Variants in FBXO33 observed in about 807,000 individuals in gnomAD.
FBXO33 encodes F-box protein 33.
In FBXO33, 22 loss-of-function variants were observed where a neutral mutation model predicts 46.3. The observed-to-expected ratio is 0.48, with a 90% CI of 0.34 to 0.68. The LOEUF is 0.68. Ranked by LOEUF, FBXO33 falls within the 30% of genes least tolerant of loss-of-function variation. The probability of loss-of-function intolerance (pLI) is 0.01; values close to 1 mark genes in which losing one functional copy is unlikely to be tolerated. For synonymous variants in FBXO33, 337 were observed against 291.3 expected (o/e 1.16, Z -1.60); for missense variants, 692 against 708.8 (o/e 0.98, Z 0.27).
rs373764664 is a variant in FBXO33, at chr14:39,406,912, T to C, written c.600-4401A>G. Among the ~76,000 whole-genome samples the C allele has an allele frequency of 5.3e-5, 8 of 152,092 alleles. No homozygotes were observed. In the East Asian group the frequency reaches 1.2e-3, roughly 22 times the overall value. On this transcript the variant is annotated intron_variant, in intron 1 of 3. Transcript: ENST00000298097. ...GAACTTAAATCAGCTATTAAAACTA[T>C]ACTCCATAAAACTATTCATCCATAA...
Position 39,431,492 on chromosome 14 carries a change from G to A in FBXO33, c.599+72C>T, listed in dbSNP as rs1393621860. 3 of 1,594,476 alleles carry A rather than the reference G, an allele frequency of 1.9e-6. No homozygotes were observed. The African/African-American group carries it at 4.0e-5, about 21-fold the overall frequency. ...GTTGGCCGGGCACGTATTATGCACAGAATCTGTGTCGGGGTGCGGGGACGG... is the reference window on the plus strand; with the variant it reads ...GTTGGCCGGGCACGTATTATGCACAAAATCTGTGTCGGGGTGCGGGGACGG... On this transcript the variant is annotated intron_variant, in intron 1 of 3. Transcript: ENST00000298097.
intron 1 of FBXO33, among the ~76,000 whole-genome samples, chr14:39,430,673 T>C (rs576915076): frequency 1.3e-5 from 2 of 152,310 alleles, no homozygotes; most frequent in East Asian, 3.9e-4. Context: ...TTTGTGAACG[T>C]CTAAACTTTC....
chr14:39,421,784 AC>A (rs1595987348), intron 1 of FBXO33, among the ~76,000 whole-genome samples: 1 of 27,136 alleles, frequency 3.7e-5, no homozygotes, highest in East Asian at 2.7e-3. Context: ...TACAAATCAC[AC>A]ACACACACAC....
chr14:39,401,091 A>T, intron 3 of FBXO33, 85 bp downstream of exon 3: 1 of 1,228,134 alleles, frequency 8.1e-7, no homozygotes, highest in Non-Finnish European at 1.1e-6. Context: ...TCTTGATACT[A>T]TAAAGGTCAG....
intron 1 of FBXO33, among the ~76,000 whole-genome samples, chr14:39,429,238 A>G (rs1348268440): frequency 6.6e-6 from 1 of 152,242 alleles, no homozygotes; most frequent in South Asian, 2.1e-4. Context: ...TATGAACTGT[A>G]TAAAGGAATT....
chr14:39,412,989 T>C (rs1313757929), intron 1 of FBXO33, among the ~76,000 whole-genome samples: 1 of 152,260 alleles, frequency 6.6e-6, no homozygotes, highest in Admixed American at 6.5e-5. Context: ...ATCAGGGTGA[T>C]AGCTGAAGGC....
rs1466971921 is a variant in FBXO33, at chr14:39,397,879, G to A, written c.*1637C>T. The A allele has an allele frequency of 6.6e-6, 1 of 152,538 alleles. No homozygotes were observed. The highest frequency in any genetic ancestry group is 1.5e-5 in the Non-Finnish European group (1 of 68,024). 9.4% of individuals were successfully genotyped at this position (152,538 alleles called of 1,614,324 possible). On this transcript the variant is annotated 3_prime_UTR_variant, in exon 4 of 4. Transcript: ENST00000298097. ...GTTTCTGTCAGGAGTTATTTTATCT[G>A]ATCACATTTATAAGATAAAATCTCA...
rs117538365 is a variant in FBXO33, at chr14:39,398,379, T to C, written c.*1137A>G. 0.018 allele frequency: 2,779 copies of C among 152,676 alleles called. 28 individuals are homozygous for C. Among genetic ancestry groups the C allele is most frequent in the Non-Finnish European group, 0.028 (1,913 of 68,006 alleles). The allele number at this position is 152,676 out of a possible 1,614,324, so 9.5% of individuals were successfully genotyped here. A position where few individuals can be genotyped will look rare whatever the true frequency, so the allele number is the denominator to read the frequency against. ...GTTCTTCATGTATCATAGCAGCTCA[T>C]ACCTGTGATAGAACAAGCTTTCAGT... On this transcript the variant is annotated 3_prime_UTR_variant, in exon 4 of 4. Transcript: ENST00000298097.
In FBXO33 at chr14:39,398,103, C is replaced by G. The variant is rs1351451648; in HGVS notation, c.*1413G>C. On this transcript the variant is annotated 3_prime_UTR_variant, in exon 4 of 4. Coordinates refer to ENST00000298097, the MANE Select transcript of FBXO33 (RefSeq NM_203301.4). ...TAGAATCATATCTGGACATCTGTTG[C>G]ATAAATTGTGTTTCCAAAGCTTACA... The G allele has an allele frequency of 6.6e-6, 1 of 152,646 alleles. No individual in the cohort carries two copies. The highest frequency in any genetic ancestry group is 1.5e-5 in the Non-Finnish European group (1 of 68,034). 9.5% of individuals were successfully genotyped at this position (152,646 alleles called of 1,614,324 possible).
In FBXO33 at chr14:39,398,052, A is replaced by G. The variant is rs576193140; in HGVS notation, c.*1464T>C. 6.5e-6 allele frequency: 1 copy of G among 152,800 alleles called. No homozygotes were observed. Among genetic ancestry groups the G allele is most frequent in the South Asian group, 2.1e-4 (1 of 4,832 alleles). The allele number at this position is 152,800 out of a possible 1,614,324, so 9.5% of individuals were successfully genotyped here. A position where few individuals can be genotyped will look rare whatever the true frequency, so the allele number is the denominator to read the frequency against. ...TATAAGATGGTAAAACCATTTGTAA[A>G]ACACATATAAACTTTTTTCCATAAA... On this transcript the variant is annotated 3_prime_UTR_variant, in exon 4 of 4. Coordinates refer to ENST00000298097, the MANE Select transcript of FBXO33 (RefSeq NM_203301.4).
rs57604339 is a variant in FBXO33 at position 39,398,465 on chromosome 14, CTTTTTTTTTT to C, written c.*1041_*1050del. The C allele has an allele frequency of 7.9e-6, 1 of 125,886 alleles. No homozygotes were observed. The highest frequency in any genetic ancestry group is 2.3e-4 in the East Asian group (1 of 4,328). 7.8% of individuals were successfully genotyped at this position (125,886 alleles called of 1,614,324 possible). On this transcript the variant is annotated 3_prime_UTR_variant, in exon 4 of 4. Coordinates refer to ENST00000298097, the MANE Select transcript of FBXO33 (RefSeq NM_203301.4). ...TGAAACAGGTGCATGTTTTTTTTTT[CTTTTTTTTTT>C]TTTTTTGTTTTGTTTTTTCAGAGTT...
Position 39,401,833 on chromosome 14 carries a change from T to C in FBXO33, c.739A>G (p.Ser247Gly). 6.2e-7 allele frequency: 1 copy of C among 1,613,034 alleles called. No individual in the cohort carries two copies. Among genetic ancestry groups the C allele is most frequent in the Admixed American group, 1.7e-5 (1 of 59,880 alleles). The change falls in exon 3 of 4, where the codon AGT becomes GGT. Residue 247 changes from serine to glycine, a missense_variant. Ser to Gly is a moderately conservative substitution (Grantham distance 56). This residue lies in a region of FBXO33 where 412 missense variants were observed against 370.8 expected (regional missense o/e 1.11). Transcript: ENST00000298097. ...QIQQLFEEIL[S>G]NSRQLKWLSC... The stretch of plus-strand genomic sequence containing the variant: ...AGCCATTTCAGTTGCCTACTATTAC[T>C]CAGGATTTCTTCAAACAGTTGCTGA...
intron 1 of FBXO33, among the ~76,000 whole-genome samples, chr14:39,406,646 GCAGAGTAC>G: frequency 6.6e-6 from 1 of 152,244 alleles, no homozygotes; most frequent in South Asian, 2.1e-4. Flanking sequence ...GAATTTTAGG[GCAGAGTAC>G]CAGAGACAAA....
intron 1 of FBXO33, among the ~76,000 whole-genome samples, chr14:39,405,453 A>T (rs1325673375): frequency 6.6e-6 from 1 of 151,518 alleles, no homozygotes; most frequent in Non-Finnish European, 1.5e-5. Flanking sequence ...TTTCTTTCTT[A>T]CTGGGATAGG....
At chr14:39,424,572 T>A (rs2075501751) in intron 1 of FBXO33, among the ~76,000 whole-genome samples, 1 of 152,190 alleles carries the variant, frequency 6.6e-6, no homozygotes, top group African/African-American at 2.4e-5. Flanking sequence ...TTCAGTTACA[T>A]TATACATTAG....
chr14:39,423,236 CAATAT>C (rs1250308646), intron 1 of FBXO33, among the ~76,000 whole-genome samples: 1 of 152,110 alleles, frequency 6.6e-6, no homozygotes, highest in Non-Finnish European at 1.5e-5. Context: ...ATTAAAAGTA[CAATAT>C]AATACACTTG....
Position 39,401,350 on chromosome 14 carries a change from C to T in FBXO33, c.1222G>A (p.Gly408Arg). ...CTGGATATAAGATCAACAATAGCCC[C>T]TGAAACACAAGTGATATAGCTATCA... ...HFDSYITCVS[G>R]AIVDLISRQY... The change falls in exon 3 of 4, where the codon GGG (glycine) becomes AGG (arginine). Residue 408 changes from glycine (G) to arginine (R), a missense_variant. Around this residue, in one of 3 missense-constraint regions of FBXO33, gnomAD observed 186 missense variants for 246.1 expected, o/e 0.76. Transcript: ENST00000298097. 1 of 1,614,100 alleles carries T rather than the reference C, an allele frequency of 6.2e-7. No individual in the cohort carries two copies. The highest frequency in any genetic ancestry group is 8.5e-7 in the Non-Finnish European group (1 of 1,180,004).
Position 39,401,813 on chromosome 14 carries a change from T to C in FBXO33, c.759A>G (p.Lys253=), listed in dbSNP as rs7156962. 0.12 allele frequency: 194,253 copies of C among 1,613,558 alleles called. 14,354 individuals carry two copies. The highest frequency in any genetic ancestry group is 0.34 in the African/African-American group (25,395 of 74,892). Residue 253 remains lysine, a synonymous_variant, in exon 3 of 4, where the codon AAA becomes AAG. Coordinates refer to ENST00000298097, the MANE Select transcript of FBXO33 (RefSeq NM_203301.4). ...CCAGCATAAACCCACAGGACAGCCATTTCAGTTGCCTACTATTACTCAGGA... is the reference window on the plus strand; with the variant it reads ...CCAGCATAAACCCACAGGACAGCCACTTCAGTTGCCTACTATTACTCAGGA... ...EEILSNSRQL[K]WLSCGFMLEI...
intron 1 of FBXO33, among the ~76,000 whole-genome samples, chr14:39,409,205 G>GT (rs1015583638): frequency 5.3e-5 from 8 of 152,106 alleles, no homozygotes; most frequent in African/African-American, 1.9e-4. Context: ...TCTGTGAGAA[G>GT]TTTTACAGTT....
Sources: gnomAD v4.1 joint callset for allele counts (sites outside exome capture counted in the v4.1 genomes callset) on GRCh38, gnomAD v4.1.1 for gene constraint, gnomAD v4.1.1 regional missense constraint, MANE v1.5 for transcripts, NCBI Gene and HGNC (gene_info 2026-07-23, HGNC 2026-07-21) for gene names.